Variants in LARS1 observed in about 807,000 individuals in gnomAD.
LARS1 encodes leucyl-tRNA synthetase 1.
In LARS1, 100 loss-of-function variants were observed where a neutral mutation model predicts 162.8. The ratio of observed to expected loss-of-function variants is 0.61; its 90% CI spans 0.52 to 0.73. The LOEUF (loss-of-function observed/expected upper bound fraction) is 0.73, where lower values mean the gene tolerates loss of function less well. Among genes scored for constraint, LARS1 ranks in the 30% least tolerant of loss-of-function variants. LARS1 has a pLI of 0.00. For missense variants in LARS1, 1,258 were observed against 1,408.9 expected, an observed-to-expected ratio of 0.89 and a Z score of 1.71; for synonymous variants, 457 against 462.8, an observed-to-expected ratio of 0.99 and a Z score of 0.16.
intron 30 of LARS1, among the ~76,000 whole-genome samples, chr5:146,120,821 G>A (rs950256222): frequency 3.9e-5 from 6 of 152,106 alleles, no homozygotes; most frequent in South Asian, 2.1e-4. Context: ...CTTCATCGAC[G>A]TTAGTTCTAT....
rs56864252 is a variant in LARS1, at chr5:146,113,343, T to C, written c.*763A>G. 13,654 of 151,262 alleles carry C rather than the reference T, an allele frequency of 0.09. 764 individuals are homozygous for C. Among genetic ancestry groups the C allele is most frequent in the African/African-American group, 0.16 (6,422 of 41,300 alleles). 9.4% of individuals were successfully genotyped at this position (151,262 alleles called of 1,614,324 possible). A position where few individuals can be genotyped will look rare whatever the true frequency, so the allele number is the denominator to read the frequency against. On this transcript the variant is annotated 3_prime_UTR_variant, in exon 32 of 32. Transcript: ENST00000394434. ...CCTCCCAAAGTGCTGGGATTATAGG[T>C]GTGAGCCACCACACCCGACCAGCAT...
chr5:146,154,074 G>T, intron 10 of LARS1, 94 bp from the exon 11 acceptor site: 2 of 815,580 alleles, frequency 2.5e-6, no homozygotes, highest in Non-Finnish European at 1.9e-6. Context: ...TGAGAAGCTA[G>T]TAATCAAAAA....
chr5:146,175,320 C>T (rs565073957), intron 2 of LARS1, among the ~76,000 whole-genome samples: 69 of 151,044 alleles, frequency 4.6e-4, no homozygotes, highest in Non-Finnish European at 8.3e-4. Flanking sequence ...CGGAGGCAGG[C>T]GGATCATTTG....
chr5:146,173,453 A>G (rs779987444), intron 2 of LARS1, among the ~76,000 whole-genome samples: 1 of 151,968 alleles, frequency 6.6e-6, no homozygotes, highest in Non-Finnish European at 1.5e-5. Flanking sequence ...ATATATATAA[A>G]GCAATTCAAA....
intron 8 of LARS1, among the ~76,000 whole-genome samples, chr5:146,158,324 A>G (rs980113161): frequency 6.6e-6 from 1 of 152,240 alleles, no homozygotes; most frequent in African/African-American, 2.4e-5. Context: ...GCCATTGGCT[A>G]TATTAAAACT....
At chr5:146,135,432 A>G (rs1249244766) in intron 22 of LARS1, among the ~76,000 whole-genome samples, 169 bp downstream of exon 22, 1 of 152,202 alleles carries the variant, frequency 6.6e-6, no homozygotes, top group Non-Finnish European at 1.5e-5. Context: ...CATGTCAGCA[A>G]TTCTTATATA....
chr5:146,148,436 C>T (rs1753117043), intron 15 of LARS1, among the ~76,000 whole-genome samples: 1 of 152,106 alleles, frequency 6.6e-6, no homozygotes, highest in Non-Finnish European at 1.5e-5. Flanking sequence ...GGAGTACTGA[C>T]GAGTGTATTT....
At chr5:146,128,374 T>A (rs903774841) in intron 27 of LARS1, among the ~76,000 whole-genome samples, 1 of 152,114 alleles carries the variant, frequency 6.6e-6, no homozygotes, top group Non-Finnish European at 1.5e-5. Flanking sequence ...GCAAACTCTG[T>A]CCTTTTATTT....
intron 5 of LARS1, among the ~76,000 whole-genome samples, chr5:146,166,898 C>T (rs1004002858): frequency 1.3e-5 from 2 of 151,888 alleles, no homozygotes; most frequent in African/African-American, 4.8e-5. Flanking sequence ...TGGCAGACGC[C>T]ATCTTAACCA....
At chr5:146,173,264 T>C (rs757565528) in intron 2 of LARS1, among the ~76,000 whole-genome samples, 14 of 151,692 alleles carry the variant, frequency 9.2e-5, no homozygotes, top group Non-Finnish European at 1.9e-4. Context: ...AAGAATCGCC[T>C]GATCATTGAA....
intron 5 of LARS1, among the ~76,000 whole-genome samples, chr5:146,167,835 C>T (rs1176382464): frequency 7.1e-6 from 1 of 139,914 alleles, no homozygotes; most frequent in South Asian, 2.4e-4. Context: ...GGCCTACGAC[C>T]GGCTTACGCC....
At chr5:146,143,322 A>C in intron 19 of LARS1, 90 bp downstream of exon 19, 1 of 1,475,284 alleles carries the variant, frequency 6.8e-7, no homozygotes, top group Admixed American at 2.1e-5. Context: ...ATTCTGTGAA[A>C]TAAATCTTAT....
At chr5:146,149,753 T>A (rs1753190298) in intron 14 of LARS1, 54 bp from the exon 15 acceptor site, 1 of 1,297,976 alleles carries the variant, frequency 7.7e-7, no homozygotes, top group African/African-American at 1.5e-5. Context: ...GAATCTGCCT[T>A]GAGTTTCTTT....
At chr5:146,150,576 A>G (rs1753227206) in intron 14 of LARS1, among the ~76,000 whole-genome samples, 1 of 149,054 alleles carries the variant, frequency 6.7e-6, no homozygotes, top group Non-Finnish European at 1.5e-5. Context: ...GCAGTGAGCC[A>G]AGATTGAGCC....
intron 2 of LARS1, among the ~76,000 whole-genome samples, chr5:146,174,485 C>CATATATCCATAT (rs1754429838): frequency 3.9e-4 from 10 of 25,718 alleles, no homozygotes; most frequent in African/African-American, 1.9e-3. Flanking sequence ...TATATATATC[C>CATATATCCATAT]ATATATATAT....
intron 8 of LARS1, 85 bp from the exon 9 acceptor site, chr5:146,157,880 G>A: frequency 7.4e-7 from 1 of 1,347,074 alleles, no homozygotes; most frequent in Non-Finnish European, 1.1e-6. Flanking sequence ...TCTGATTCAA[G>A]TCCCTAAAAT....
At chr5:146,120,170 T>C in intron 31 of LARS1, 1 of 544,560 alleles carries the variant, frequency 1.8e-6, no homozygotes, top group Non-Finnish European at 3.2e-6. Flanking sequence ...GTTTTGAGCT[T>C]AAGTGACATG....
rs543004173 is a variant in LARS1 at position 146,130,006 on chromosome 5, G to T, written c.2628+12C>A. 2.5e-6 allele frequency: 4 copies of T among 1,595,458 alleles called. No individual in the cohort carries two copies. In the East Asian group the frequency reaches 9.0e-5, roughly 36 times the overall value. ...CAAAACCACTCGAAACATTTTAAAT[G>T]CATGAAGGTACCTTTCCCAGGAGTG... On this transcript the variant is annotated intron_variant, in intron 25 of 31. Coordinates refer to ENST00000394434, the MANE Select transcript of LARS1 (RefSeq NM_020117.11).
At chr5:146,116,888 A>G (rs1010420902) in intron 31 of LARS1, among the ~76,000 whole-genome samples, 1 of 152,220 alleles carries the variant, frequency 6.6e-6, no homozygotes, top group Admixed American at 6.5e-5. Context: ...AAACAGACCA[A>G]TAACTATGTT....
Sources: gnomAD v4.1 joint callset for allele counts (sites outside exome capture counted in the v4.1 genomes callset) on GRCh38, gnomAD v4.1.1 for gene constraint, MANE v1.5 for transcripts, NCBI Gene and HGNC (gene_info 2026-07-23, HGNC 2026-07-21) for gene names.